Variants in NUP205 observed in about 807,000 individuals in gnomAD.
The protein encoded by NUP205 is nuclear pore complex protein Nup205.
In NUP205, 76 loss-of-function variants were observed where a neutral mutation model predicts 253.8. The ratio of observed to expected loss-of-function variants is 0.30; its 90% CI spans 0.25 to 0.36. The LOEUF (loss-of-function observed/expected upper bound fraction) is 0.36, where lower values mean the gene tolerates loss of function less well. NUP205 is among the 10% of genes least tolerant of loss of function. The pLI is 1.00. For synonymous variants in NUP205, 832 were observed against 850.1 expected (o/e 0.98, Z 0.37); for missense variants, 2,162 against 2,425.5 (o/e 0.89, Z 2.28).
At position 135,593,149 on chromosome 7, in the gene NUP205, G is replaced by T; in HGVS notation, c.1787G>T (p.Gly596Val). 6.2e-7 allele frequency: 1 copy of T among 1,614,100 alleles called. No homozygotes were observed. Residue 596 changes from glycine (G) to valine (V), a missense_variant, in exon 12 of 43, where the codon GGA becomes GTA. Physicochemically the swap from Gly to Val is moderately radical, Grantham distance 109. Coordinates refer to ENST00000285968, the MANE Select transcript of NUP205 (RefSeq NM_015135.3). The stretch of plus-strand genomic sequence containing the variant: ...GGCATCACCCAGAAGGAGCAAGATG[G>T]ATTGATTGCTTTTTTGCAGCTCACG... ...SRGITQKEQD[G>V]LIAFLQLTST... is the part of the protein sequence containing the mutation.
At chr7:135,601,764 T>C (rs2129490552) in intron 17 of NUP205, among the ~76,000 whole-genome samples, 1 of 152,200 alleles carries the variant, frequency 6.6e-6, no homozygotes, top group East Asian at 1.9e-4. Context: ...TTCTATCATT[T>C]TAACATCTTT....
intron 38 of NUP205, among the ~76,000 whole-genome samples, chr7:135,638,957 G>A (rs1047994746): frequency 6.6e-5 from 10 of 152,164 alleles, no homozygotes; most frequent in African/African-American, 2.4e-4. Context: ...AAATTGGGGA[G>A]TCAGGTGGCT....
At chr7:135,564,679 G>A (rs570211070) in intron 1 of NUP205, among the ~76,000 whole-genome samples, 95 of 151,566 alleles carry the variant, frequency 6.3e-4, no homozygotes, top group Non-Finnish European at 1.1e-3. Flanking sequence ...TTACAGGTGC[G>A]AGCCACCTTG....
At chr7:135,583,787 A>T (rs1806376506) in intron 7 of NUP205, among the ~76,000 whole-genome samples, 1 of 151,798 alleles carries the variant, frequency 6.6e-6, no homozygotes, top group Admixed American at 6.6e-5. Context: ...AAGATACGAT[A>T]ATGGTGTTGT....
At chr7:135,628,709 TATC>T (rs1204656563) in intron 34 of NUP205, among the ~76,000 whole-genome samples, 2 of 152,352 alleles carry the variant, frequency 1.3e-5, no homozygotes, top group East Asian at 3.9e-4. Context: ...TGATTAGGCT[TATC>T]ATGAATCTAC....
intron 2 of NUP205, 135 bp downstream of exon 2, chr7:135,571,382 G>A (rs150589630): frequency 9.1e-5 from 40 of 438,034 alleles, no homozygotes; most frequent in African/African-American, 8.1e-4. Context: ...AGTCTCATGA[G>A]GTCCTGATGA....
At chr7:135,580,654 G>C (rs1310082924) in intron 7 of NUP205, among the ~76,000 whole-genome samples, 1 of 152,066 alleles carries the variant, frequency 6.6e-6, no homozygotes, top group Admixed American at 6.6e-5. Context: ...GTAGAGACAG[G>C]GTTTCACCGG....
intron 1 of NUP205, among the ~76,000 whole-genome samples, chr7:135,566,751 T>G (rs995068799): frequency 6.6e-6 from 1 of 152,080 alleles, no homozygotes; most frequent in Non-Finnish European, 1.5e-5. Context: ...TTTGTTTTGT[T>G]TTTTGAGACG....
At chr7:135,609,306 A>G (rs1794169763) in intron 22 of NUP205, among the ~76,000 whole-genome samples, 1 of 151,506 alleles carries the variant, frequency 6.6e-6, no homozygotes, top group Non-Finnish European at 1.5e-5. Context: ...ATGAAACCCC[A>G]TCTCTACTAA....
intron 1 of NUP205, among the ~76,000 whole-genome samples, chr7:135,558,439 C>A (rs575466429): frequency 6.6e-6 from 1 of 152,276 alleles, no homozygotes; most frequent in African/African-American, 2.4e-5. Flanking sequence ...ATTATGAAGT[C>A]GGCCATCTGA....
rs1794933006 is a variant in NUP205 at position 135,642,545 on chromosome 7, G to C, written c.5393-647G>C. On this transcript the variant is annotated intron_variant, in intron 38 of 42. Coordinates refer to ENST00000285968, the MANE Select transcript of NUP205 (RefSeq NM_015135.3). The stretch of plus-strand genomic sequence containing the variant: ...CAAACAACTTTTATGACATCCCACT[G>C]TTCCTTTGCATCTTCATTAGCCAGT... 4.6e-5 allele frequency among the ~76,000 whole-genome samples: 7 copies of C among 152,242 alleles called. No homozygotes were observed. In the South Asian group the frequency reaches 6.2e-4, roughly 14 times the overall value.
At chr7:135,643,825 C>T (rs1563141550) in intron 39 of NUP205, among the ~76,000 whole-genome samples, 1 of 152,164 alleles carries the variant, frequency 6.6e-6, no homozygotes, top group Non-Finnish European at 1.5e-5. Flanking sequence ...ACTAAAGATG[C>T]TGCATTACCA....
rs151145869 is a variant in NUP205, at chr7:135,637,379, C to A, written c.5137-552C>A. Among the ~76,000 whole-genome samples the A allele has an allele frequency of 5.2e-4, 79 of 152,314 alleles. 1 individual carries two copies. In the East Asian group the frequency reaches 0.012, roughly 23 times the overall value. On this transcript the variant is annotated intron_variant, in intron 36 of 42. Coordinates refer to ENST00000285968, the MANE Select transcript of NUP205 (RefSeq NM_015135.3). ...AAGCTTGTCCTTTCTCTTTGAGAAC[C>A]ATGGGAAATACTGTATTCTCAGGTG...
intron 19 of NUP205, 109 bp from the exon 20 acceptor site, chr7:135,606,036 G>C (rs1188196362): frequency 6.9e-6 from 5 of 728,058 alleles, no homozygotes; most frequent in Non-Finnish European, 1.2e-5. Flanking sequence ...ACCTAAGCAG[G>C]TTTGCCTATT....
In NUP205 at chr7:135,587,755, T is replaced by C. The variant is rs979593145; in HGVS notation, c.1335+64T>C. The C allele has an allele frequency of 2.6e-6, 4 of 1,533,836 alleles. No homozygotes were observed. In the South Asian group the frequency reaches 3.7e-5, roughly 14 times the overall value. On this transcript the variant is annotated intron_variant, in intron 9 of 42. Coordinates refer to ENST00000285968, the MANE Select transcript of NUP205 (RefSeq NM_015135.3). ...CTTTCATTATTTTTTCCCCTAACTT[T>C]GGAAAATTTCAGGTGTAATACTTTA...
At chr7:135,641,761 C>T (rs1794919284) in intron 38 of NUP205, among the ~76,000 whole-genome samples, 1 of 126,420 alleles carries the variant, frequency 7.9e-6, no homozygotes, top group East Asian at 1.9e-4. Context: ...ATTTGTGCCA[C>T]TGCACTCCAG....
intron 8 of NUP205, among the ~76,000 whole-genome samples, chr7:135,586,595 T>C (rs1469682732): frequency 2.0e-5 from 3 of 152,192 alleles, no homozygotes; most frequent in African/African-American, 7.2e-5. Flanking sequence ...GCTTTAGCTA[T>C]GCCACACAAA....
chr7:135,645,969 A>C lies in NUP205; in HGVS notation c.5813-189A>C, dbSNP rs1388248570. 5 of 598,556 alleles carry C rather than the reference A, an allele frequency of 8.4e-6. No homozygotes were observed. In the East Asian group the frequency reaches 1.4e-4, roughly 17 times the overall value. The allele number at this position is 598,556 out of a possible 1,614,324, so 37.1% of individuals were successfully genotyped here. A position where few individuals can be genotyped will look rare whatever the true frequency, so the allele number is the denominator to read the frequency against. On this transcript the variant is annotated intron_variant, in intron 41 of 42. Coordinates refer to ENST00000285968, the MANE Select transcript of NUP205 (RefSeq NM_015135.3). ...GGTGGAAGGAAATAGAGAAAAGCTG[A>C]GAACCCTGGTCTGGACCAGTGAAAT...
chr7:135,624,588 A>C (rs1794543893), intron 31 of NUP205, among the ~76,000 whole-genome samples: 1 of 151,998 alleles, frequency 6.6e-6, no homozygotes, highest in African/African-American at 2.4e-5. Context: ...CATCCTGGCC[A>C]GGTTGGTCTT....
Sources: allele counts gnomAD v4.1 joint callset (sites outside exome capture counted in the v4.1 genomes callset), GRCh38; gene constraint gnomAD v4.1.1; transcripts MANE v1.5; gene names NCBI Gene and HGNC (gene_info 2026-07-23, HGNC 2026-07-21).